Variants in TEX9 observed in about 807,000 individuals in gnomAD.
The protein encoded by TEX9 is testis expressed 9.
Under a neutral mutation model 59.6 loss-of-function variants are expected in TEX9, and 74 were observed. The ratio of observed to expected loss-of-function variants is 1.24; its 90% CI spans 1.03 to 1.51. TEX9 has a LOEUF of 1.51. TEX9 is among the 40% of genes most tolerant of loss of function. The probability of loss-of-function intolerance (pLI) is 0.00; values close to 1 mark genes in which losing one functional copy is unlikely to be tolerated. For missense variants in TEX9, 522 were observed against 447.8 expected, an observed-to-expected ratio of 1.17 and a Z score of -1.49; for synonymous variants, 186 against 152.2, an observed-to-expected ratio of 1.22 and a Z score of -1.64.
At chr15:56,458,722 C>T in the TEX9 span, among the ~76,000 whole-genome samples, 2 of 152,112 alleles carry the variant, frequency 1.3e-5, no homozygotes, top group East Asian at 3.8e-4. Context: ...CCTTTTTGGA[C>T]TGGCTTCTTT....
At chr15:56,342,391 C>T (rs1596104216) in intron 1 of TEX9, among the ~76,000 whole-genome samples, 2 of 152,034 alleles carry the variant, frequency 1.3e-5, no homozygotes, top group Non-Finnish European at 2.9e-5. Context: ...AAACAACTGG[C>T]TATAAAAAAT....
chr15:56,250,241 T>C (rs1312409153), intron 1 of TEX9, among the ~76,000 whole-genome samples: 1 of 152,200 alleles, frequency 6.6e-6, no homozygotes, highest in Non-Finnish European at 1.5e-5. Flanking sequence ...AGGTGAGATA[T>C]ATAAGATTAA....
intron 1 of TEX9, among the ~76,000 whole-genome samples, chr15:56,244,945 C>A (rs751036453): frequency 1.6e-4 from 24 of 152,196 alleles, no homozygotes; most frequent in Non-Finnish European, 2.8e-4. Context: ...TAGAATACAA[C>A]AGCCAAGGCC....
chr15:56,450,749 A>T (rs1175369010), downstream of TEX9, among the ~76,000 whole-genome samples: 1 of 149,754 alleles, frequency 6.7e-6, no homozygotes, highest in Admixed American at 6.6e-5. Flanking sequence ...TCACTATTGA[A>T]TTTTTTGTAT....
At chr15:56,308,084 T>C (rs1421092960) in intron 1 of TEX9, among the ~76,000 whole-genome samples, 1 of 152,214 alleles carries the variant, frequency 6.6e-6, no homozygotes, top group Non-Finnish European at 1.5e-5. Flanking sequence ...TTTTCATCAG[T>C]ATATATCTAG....
chr15:56,412,595 CATGTT>C (rs1288798654), intron 10 of TEX9, among the ~76,000 whole-genome samples, 159 bp downstream of exon 10: 5 of 152,090 alleles, frequency 3.3e-5, no homozygotes, highest in African/African-American at 1.2e-4. Flanking sequence ...ACATTTCTAA[CATGTT>C]AGGATGATAT....
At chr15:56,380,611 G>A (rs1485702646) in intron 3 of TEX9, among the ~76,000 whole-genome samples, 2 of 152,080 alleles carry the variant, frequency 1.3e-5, no homozygotes, top group African/African-American at 4.8e-5. Context: ...AGTGTTGATG[G>A]AATGCCTCAA....
At chr15:56,316,002 C>T (rs1233805689) in intron 1 of TEX9, among the ~76,000 whole-genome samples, 2 of 151,522 alleles carry the variant, frequency 1.3e-5, no homozygotes, top group Non-Finnish European at 1.5e-5. Flanking sequence ...TCAGCTCCAT[C>T]AGCTCCTTTA....
At chr15:56,425,532 G>A (rs1299604319) in intron 10 of TEX9, among the ~76,000 whole-genome samples, 1 of 151,970 alleles carries the variant, frequency 6.6e-6, no homozygotes, top group Non-Finnish European at 1.5e-5. Context: ...TTCAGTTACT[G>A]TATTTTTCAG....
intron 1 of TEX9, among the ~76,000 whole-genome samples, chr15:56,322,004 T>C (rs2045914575): frequency 6.6e-6 from 1 of 152,070 alleles, no homozygotes; most frequent in Non-Finnish European, 1.5e-5. Flanking sequence ...ATTGTGGGAA[T>C]AGATAAATGA....
rs142718129 is a variant in TEX9, at chr15:56,280,648, G to A, written c.-107+36370G>A. ...ATCCATAAGAAAAAAGGAAAAGAAC[G>A]TAACTGTAATAATGTTTTTAATCTC... is the stretch of plus-strand genomic sequence containing the variant. On this transcript the variant is annotated intron_variant, in intron 1 of 5. Coordinates refer to the TEX9 transcript ENST00000560827. Among the ~76,000 whole-genome samples, 630 of 152,250 alleles carry A rather than the reference G, an allele frequency of 4.1e-3. 4 individuals are homozygous for A. Among genetic ancestry groups the A allele is most frequent in the Non-Finnish European group, 6.6e-3 (449 of 68,026 alleles).
At chr15:56,269,806 A>G (rs1286498976) in intron 1 of TEX9, among the ~76,000 whole-genome samples, 1 of 151,100 alleles carries the variant, frequency 6.6e-6, no homozygotes, top group Non-Finnish European at 1.5e-5. Flanking sequence ...GGCGTGCACC[A>G]CCTACACCTG....
At chr15:56,430,282 C>T (rs1456757072) in intron 12 of TEX9, among the ~76,000 whole-genome samples, 128 bp downstream of exon 12, 4 of 152,212 alleles carry the variant, frequency 2.6e-5, no homozygotes. Context: ...TCATGGGTCA[C>T]TGCAGCTTCA....
intron 1 of TEX9, among the ~76,000 whole-genome samples, chr15:56,352,706 A>G (rs1387638836): frequency 2.0e-5 from 3 of 152,172 alleles, no homozygotes; most frequent in African/African-American, 7.2e-5. Flanking sequence ...ATGATATTTT[A>G]TATCAGGTTA....
At chr15:56,273,528 A>C (rs1470581418) in intron 1 of TEX9, among the ~76,000 whole-genome samples, 3 of 152,206 alleles carry the variant, frequency 2.0e-5, no homozygotes, top group Admixed American at 6.5e-5. Flanking sequence ...ATAGTTGGCT[A>C]TCTTTTAGAG....
At chr15:56,460,005 A>ATATATATATATATAT in the TEX9 span, among the ~76,000 whole-genome samples, 23 of 30,506 alleles carry the variant, frequency 7.5e-4, no homozygotes, top group African/African-American at 2.4e-3. Flanking sequence ...AAAAAAAAAA[A>ATATATATATATATAT]AAAAATACAT....
chr15:56,265,701 T>C (rs1265459685), intron 1 of TEX9, among the ~76,000 whole-genome samples: 2 of 152,210 alleles, frequency 1.3e-5, no homozygotes, highest in Non-Finnish European at 2.9e-5. Context: ...AATTCTGTTA[T>C]ACTTCATATG....
At chr15:56,413,149 G>A (rs1013730581) in intron 10 of TEX9, among the ~76,000 whole-genome samples, 1 of 66,228 alleles carries the variant, frequency 1.5e-5, no homozygotes, top group Non-Finnish European at 3.8e-5. Flanking sequence ...AGGGTAATAA[G>A]TGATATTACC....
downstream of TEX9, among the ~76,000 whole-genome samples, chr15:56,449,918 T>C (rs1242886784): frequency 6.6e-6 from 1 of 152,208 alleles, no homozygotes; most frequent in Non-Finnish European, 1.5e-5. Context: ...TTCCAAAAAC[T>C]GGTTATTTGT....
Sources: gnomAD v4.1 joint callset for allele counts (sites outside exome capture counted in the v4.1 genomes callset) on GRCh38, gnomAD v4.1.1 for gene constraint, MANE v1.5 for transcripts, NCBI Gene and HGNC (gene_info 2026-07-23, HGNC 2026-07-21) for gene names.